Variants in EYS observed in about 807,000 individuals in gnomAD.
EYS encodes EGF-like photoreceptor maintenance factor, also known as protein eyes shut homolog.
EYS carries 250 observed loss-of-function variants against 282.1 expected under a neutral mutation model. The ratio of observed to expected loss-of-function variants is 0.89; its 90% CI spans 0.80 to 0.98. The LOEUF (loss-of-function observed/expected upper bound fraction) is 0.98. Among genes scored for constraint, EYS ranks in the 50% least tolerant of loss-of-function variants. The pLI, the probability that EYS is intolerant of heterozygous loss-of-function variation, is 0.00. For synonymous variants in EYS, 1,355 were observed against 1,282.9 expected, an observed-to-expected ratio of 1.06 and a Z score of -1.20; for missense variants, 4,016 against 3,709.0, an observed-to-expected ratio of 1.08 and a Z score of -2.15.
chr6:65,389,421 T>C (rs1765925436), intron 7 of EYS, among the ~76,000 whole-genome samples: 1 of 152,044 alleles, frequency 6.6e-6, no homozygotes, highest in Non-Finnish European at 1.5e-5. Flanking sequence ...CAGCTGCACA[T>C]TCCCTCGCAT....
intron 28 of EYS, among the ~76,000 whole-genome samples, chr6:64,426,238 T>C (rs1356529167): frequency 6.6e-6 from 1 of 152,236 alleles, no homozygotes; most frequent in African/African-American, 2.4e-5. Context: ...CTCACACTGC[T>C]TAGAATAATT....
chr6:65,326,801 G>T (rs1178048855), intron 11 of EYS, among the ~76,000 whole-genome samples: 1 of 151,034 alleles, frequency 6.6e-6, no homozygotes, highest in Non-Finnish European at 1.5e-5. Context: ...TATCTTTTGG[G>T]TTACTATTGT....
At chr6:64,334,158 T>C (rs1357723037) in intron 29 of EYS, among the ~76,000 whole-genome samples, 1 of 152,178 alleles carries the variant, frequency 6.6e-6, no homozygotes, top group East Asian at 1.9e-4. Context: ...ACTGTAATCC[T>C]TTTTTGCTGT....
At chr6:63,903,635 C>T (rs778381436) in intron 35 of EYS, among the ~76,000 whole-genome samples, 26 of 152,316 alleles carry the variant, frequency 1.7e-4, no homozygotes, top group Non-Finnish European at 3.7e-4. Flanking sequence ...ACACTTATAA[C>T]TTTCTCATAA....
At chr6:65,620,530 G>T (rs558076961) in intron 2 of EYS, among the ~76,000 whole-genome samples, 3 of 151,206 alleles carry the variant, frequency 2.0e-5, no homozygotes, top group African/African-American at 7.3e-5. Flanking sequence ...TTTTTTGAAG[G>T]GTTTTTTGTG....
chr6:65,557,074 T>C (rs1768841509), intron 2 of EYS, among the ~76,000 whole-genome samples: 1 of 152,232 alleles, frequency 6.6e-6, no homozygotes, highest in Admixed American at 6.5e-5. Context: ...TTATGGTAAA[T>C]TGTTGATATT....
intron 22 of EYS, among the ~76,000 whole-genome samples, chr6:64,806,460 T>C (rs1764430290): frequency 6.6e-6 from 1 of 152,026 alleles, no homozygotes; most frequent in South Asian, 2.1e-4. Context: ...TATTATAGGA[T>C]ATCGTGGTCC....
chr6:63,811,296 C>T (rs1247109752), intron 36 of EYS, among the ~76,000 whole-genome samples: 1 of 152,192 alleles, frequency 6.6e-6, no homozygotes, highest in Non-Finnish European at 1.5e-5. Context: ...GCTATCTTCT[C>T]TATCTTTTCT....
intron 19 of EYS, among the ~76,000 whole-genome samples, chr6:64,832,488 T>C (rs1182326859): frequency 6.6e-6 from 1 of 151,834 alleles, no homozygotes; most frequent in Non-Finnish European, 1.5e-5. Context: ...ATTTCACTTA[T>C]GCAAGATGAA....
At chr6:63,905,779 C>T (rs912362770) in intron 35 of EYS, among the ~76,000 whole-genome samples, 1 of 152,178 alleles carries the variant, frequency 6.6e-6, no homozygotes, top group Non-Finnish European at 1.5e-5. Context: ...TCCAACCAAA[C>T]GATCATGGCT....
At chr6:65,359,233 G>A (rs537937764) in intron 8 of EYS, among the ~76,000 whole-genome samples, 3 of 152,048 alleles carry the variant, frequency 2.0e-5, no homozygotes, top group Non-Finnish European at 4.4e-5. Context: ...TGTATCTCAT[G>A]TCACATCAGA....
At chr6:64,127,816 T>C (rs1436625684) in intron 31 of EYS, among the ~76,000 whole-genome samples, 2 of 152,138 alleles carry the variant, frequency 1.3e-5, no homozygotes. Flanking sequence ...ATCTTGACCA[T>C]CAATGAGAGC....
intron 31 of EYS, among the ~76,000 whole-genome samples, chr6:64,201,965 C>T (rs1765469126): frequency 6.6e-6 from 1 of 152,154 alleles, no homozygotes. Flanking sequence ...GGTTAGTGAA[C>T]ATGCTACAAT....
At chr6:64,543,184 A>G (rs1414525123) in intron 26 of EYS, among the ~76,000 whole-genome samples, 1 of 152,166 alleles carries the variant, frequency 6.6e-6, no homozygotes, top group Non-Finnish European at 1.5e-5. Context: ...AAGGAGAATT[A>G]TAAGTTACCA....
rs201662562 is a variant in EYS at position 64,388,738 on chromosome 6, T to C, written c.6030A>G (p.Ser2010=). The change falls in exon 29 of 43, where the codon TCA becomes TCG. Residue 2010 remains serine, a synonymous_variant. Transcript: ENST00000503581. The part of the protein sequence containing the change: ...NHVLGKPLPK[S]GSVFIGGFPD... ...GAAATCCACCAATGAAGACAGATCC[T>C]GATTTTGGCAGGGGTTTTCCGAGTA... is the stretch of plus-strand genomic sequence containing the variant. The C allele has an allele frequency of 6.5e-7, 1 of 1,544,920 alleles. No individual in the cohort carries two copies. Among genetic ancestry groups the C allele is most frequent in the Non-Finnish European group, 8.7e-7 (1 of 1,143,780 alleles).
intron 2 of EYS, among the ~76,000 whole-genome samples, chr6:65,599,523 G>A (rs960684927): frequency 7.9e-5 from 12 of 151,966 alleles, no homozygotes; most frequent in African/African-American, 2.7e-4. Flanking sequence ...ATCCATCTTT[G>A]TGAACTTAAT....
intron 36 of EYS, among the ~76,000 whole-genome samples, chr6:63,845,389 A>ATTTTT (rs61568416): frequency 6.9e-6 from 1 of 145,536 alleles, no homozygotes; most frequent in African/African-American, 2.5e-5. Flanking sequence ...TGATGCAAGG[A>ATTTTT]TTTTTTTTTT....
intron 12 of EYS, among the ~76,000 whole-genome samples, chr6:65,175,821 A>G (rs1473211602): frequency 6.6e-6 from 1 of 151,510 alleles, no homozygotes; most frequent in African/African-American, 2.4e-5. Context: ...ATGAATATAC[A>G]AGAACCATAA....
intron 15 of EYS, among the ~76,000 whole-genome samples, chr6:64,933,084 T>C (rs1229816508): frequency 1.3e-5 from 2 of 152,176 alleles, no homozygotes; most frequent in African/African-American, 4.8e-5. Flanking sequence ...ACCCGAATAT[T>C]GGATTTACTT....
Sources: gnomAD v4.1 joint callset for allele counts (sites outside exome capture counted in the v4.1 genomes callset) on GRCh38, gnomAD v4.1.1 for gene constraint, MANE v1.5 for transcripts, NCBI Gene and HGNC (gene_info 2026-07-23, HGNC 2026-07-21) for gene names.